PROCR: variants seen among roughly 807,000 people sequenced by gnomAD.
The protein encoded by PROCR is protein C receptor.
In PROCR, 22 loss-of-function variants were observed where a neutral mutation model predicts 24.2. That is an observed-to-expected ratio of 0.91 (90% CI 0.65 to 1.30). The LOEUF is 1.30. PROCR is among the 50% of genes most tolerant of loss of function. PROCR has a pLI of 0.00. For missense variants in PROCR, 288 were observed against 307.7 expected (o/e 0.94, Z 0.48); for synonymous variants, 137 against 139.2 (o/e 0.98, Z 0.11).
intron 1 of PROCR, among the ~76,000 whole-genome samples, chr20:35,200,412 A>G (rs1201384264): frequency 1.3e-5 from 2 of 152,300 alleles, no homozygotes; most frequent in South Asian, 2.1e-4. Flanking sequence ...CACCACCCTT[A>G]TTAGTCAGTA....
At chr20:35,178,513 T>G (rs1405212330), downstream of PROCR, among the ~76,000 whole-genome samples, 4,607 of 41,740 alleles carry the variant, frequency 0.11, 1,148 homozygotes, top group South Asian at 0.15. Flanking sequence ...CTCAGTTTTT[T>G]TTTTTTTTTT....
chr20:35,177,089 A>AGAT lies in PROCR; in HGVS notation c.*276_*277insGAT. On this transcript the variant is annotated 3_prime_UTR_variant, in exon 4 of 4. Transcript: ENST00000216968. ...TTATCTATCTTTGTGGAAAACAGAT[A>AGAT]ATGGAGTTGGGGCAGGAAGCCTATG... 11 of 1,234,602 alleles carry AGAT rather than the reference A, an allele frequency of 8.9e-6. No homozygotes were observed. The highest frequency in any genetic ancestry group is 1.1e-5 in the Non-Finnish European group (11 of 973,016). The allele number at this position is 1,234,602 out of a possible 1,614,324, so 76.5% of individuals were successfully genotyped here. A position where few individuals can be genotyped will look rare whatever the true frequency, so the allele number is the denominator to read the frequency against.
At chr20:35,186,397 C>A (rs1486696181) in intron 1 of PROCR, among the ~76,000 whole-genome samples, 3 of 151,274 alleles carry the variant, frequency 2.0e-5, no homozygotes, top group African/African-American at 7.3e-5. Flanking sequence ...AGAAACCCCG[C>A]CTCTTCTAAA....
At chr20:35,209,688 T>A (rs2060354793) in intron 1 of PROCR, among the ~76,000 whole-genome samples, 1 of 151,948 alleles carries the variant, frequency 6.6e-6, no homozygotes, top group Non-Finnish European at 1.5e-5. Context: ...TCAGGGGAAG[T>A]GTATTTCAAA....
intron 1 of PROCR, chr20:35,195,182 C>T (rs1328518992): frequency 2.0e-5 from 3 of 152,068 alleles, no homozygotes; most frequent in Non-Finnish European, 4.4e-5. Context: ...AAAATATTTG[C>T]TGCAGAGCTC....
intron 1 of PROCR, among the ~76,000 whole-genome samples, chr20:35,185,982 A>G (rs868786695): frequency 6.6e-6 from 1 of 152,374 alleles, no homozygotes; most frequent in Non-Finnish European, 1.5e-5. Flanking sequence ...TGGCAATGGT[A>G]TAGCACTTTG....
chr20:35,172,654 G>A (rs1403022544), intron 1 of PROCR, among the ~76,000 whole-genome samples: 1 of 152,024 alleles, frequency 6.6e-6, no homozygotes, highest in African/African-American at 2.4e-5. Flanking sequence ...GGAAGAGTGG[G>A]GCAGAGAGAG....
At chr20:35,171,833 C>G (rs2085953088), upstream of PROCR, among the ~76,000 whole-genome samples, 1 of 152,084 alleles carries the variant, frequency 6.6e-6, no homozygotes, top group Non-Finnish European at 1.5e-5. Context: ...AGCCCTTCTC[C>G]CCCTTTTCCG....
At chr20:35,180,948 C>G (rs548582184), downstream of PROCR, among the ~76,000 whole-genome samples, 1 of 152,216 alleles carries the variant, frequency 6.6e-6, no homozygotes, top group East Asian at 1.9e-4. Flanking sequence ...CTCACTGCAA[C>G]CTCTGCCTCA....
rs2085986725 is a variant in PROCR, at chr20:35,174,592, A to T, written c.71-110A>T. The T allele has an allele frequency of 3.6e-6, 5 of 1,384,860 alleles. No homozygotes were observed. In the South Asian group the frequency reaches 5.8e-5, roughly 16 times the overall value. 85.8% of individuals were successfully genotyped at this position (1,384,860 alleles called of 1,614,324 possible). On this transcript the variant is annotated intron_variant, in intron 1 of 3. Coordinates refer to ENST00000216968, the MANE Select transcript of PROCR (RefSeq NM_006404.5). ...GCGGTGGGAGGGCACATTATAGTTT[A>T]TGAAGGGTCGAGAAGGCGGGCGGCC... is the stretch of plus-strand genomic sequence containing the variant.
rs1279475943 is a variant in PROCR at position 35,177,239 on chromosome 20, G to A, written c.*426G>A. 9 of 1,056,952 alleles carry A rather than the reference G, an allele frequency of 8.5e-6. No individual in the cohort carries two copies. The highest frequency in any genetic ancestry group is 4.6e-4 in the Middle Eastern group (1 of 2,182). The allele number at this position is 1,056,952 out of a possible 1,614,324, so 65.5% of individuals were successfully genotyped here. A position where few individuals can be genotyped will look rare whatever the true frequency, so the allele number is the denominator to read the frequency against. On this transcript the variant is annotated 3_prime_UTR_variant, in exon 4 of 4. Coordinates refer to ENST00000216968, the MANE Select transcript of PROCR (RefSeq NM_006404.5). Reference sequence around the variant, plus strand: ...AGGTGTGTCAGACTTGGGATGGGACGCTGATATAATAGGGTAGAAAGAAGT... The same window carrying A: ...AGGTGTGTCAGACTTGGGATGGGACACTGATATAATAGGGTAGAAAGAAGT...
chr20:35,209,157 G>T (rs893672250), intron 1 of PROCR, among the ~76,000 whole-genome samples: 1 of 152,114 alleles, frequency 6.6e-6, no homozygotes, highest in Non-Finnish European at 1.5e-5. Flanking sequence ...TAGAATAAGG[G>T]TATGTAGCCT....
downstream of PROCR, among the ~76,000 whole-genome samples, chr20:35,182,281 G>A (rs539296597): frequency 7.2e-5 from 11 of 152,276 alleles, no homozygotes; most frequent in South Asian, 2.3e-3. Flanking sequence ...AGTAGCCACT[G>A]CTGTATTTAC....
intron 1 of PROCR, chr20:35,202,026 T>C (rs1451264528): frequency 6.6e-6 from 1 of 152,180 alleles, no homozygotes; most frequent in Admixed American, 6.6e-5. Context: ...AAAAAGGATA[T>C]ATCAAACCTG....
At chr20:35,172,817 T>C (rs1411052593) in intron 1 of PROCR, among the ~76,000 whole-genome samples, 1 of 152,110 alleles carries the variant, frequency 6.6e-6, no homozygotes, top group Non-Finnish European at 1.5e-5. Context: ...TCCATTATAA[T>C]TGCACAGGGG....
chr20:35,215,462 TTA>T (rs2060378610), intron 1 of PROCR, among the ~76,000 whole-genome samples: 1 of 152,062 alleles, frequency 6.6e-6, no homozygotes, highest in South Asian at 2.1e-4. Context: ...TGTTTTGTGG[TTA>T]TTTGTCACGC....
chr20:35,209,108 G>C (rs1298471370), intron 1 of PROCR, among the ~76,000 whole-genome samples: 1 of 152,172 alleles, frequency 6.6e-6, no homozygotes, highest in African/African-American at 2.4e-5. Flanking sequence ...ATTACAGTTT[G>C]AATAAATACT....
At chr20:35,180,062 A>G (rs6060283), downstream of PROCR, among the ~76,000 whole-genome samples, 33,323 of 151,990 alleles carry the variant, frequency 0.22, 3,903 homozygotes, top group Middle Eastern at 0.32. Flanking sequence ...CCTGGCCAAC[A>G]TGGCGAAACC....
downstream of PROCR, among the ~76,000 whole-genome samples, chr20:35,178,507 G>GTTTTTTTTT (rs1203789471): frequency 0.012 from 408 of 34,340 alleles, 109 homozygotes; most frequent in African/African-American, 0.047. Context: ...TCAAGTCTCA[G>GTTTTTTTTT]TTTTTTTTTT....
Sources: allele counts gnomAD v4.1 joint callset (sites outside exome capture counted in the v4.1 genomes callset), GRCh38; gene constraint gnomAD v4.1.1; transcripts MANE v1.5; gene names NCBI Gene and HGNC (gene_info 2026-07-23, HGNC 2026-07-21).